The following TRHDE variants were observed in gnomAD, a reference collection of about 807,000 sequenced individuals.
The protein encoded by TRHDE is thyrotropin releasing hormone degrading enzyme.
A neutral mutation model predicts 125.7 loss-of-function variants in TRHDE; 72 were observed. The observed-to-expected ratio is 0.57, with a 90% CI of 0.47 to 0.70. The LOEUF (loss-of-function observed/expected upper bound fraction) is 0.70. Ranked by LOEUF, TRHDE falls within the 30% of genes least tolerant of loss-of-function variation. The probability of loss-of-function intolerance (pLI) is 0.00; values close to 1 mark genes in which losing one functional copy is unlikely to be tolerated. For missense variants in TRHDE, 1,110 were observed against 1,327.1 expected (o/e 0.84, Z 2.54); for synonymous variants, 509 against 509.1 (o/e 1.00, Z 0.00).
chr12:72,241,253 G>C (rs1470084176), intron 2 of TRHDE, among the ~76,000 whole-genome samples: 5 of 152,110 alleles, frequency 3.3e-5, no homozygotes, highest in African/African-American at 1.2e-4. Context: ...TCAAGACACA[G>C]AACAGTTCTG....
At chr12:72,297,276 C>T (rs1010968609) in intron 2 of TRHDE, among the ~76,000 whole-genome samples, 1 of 151,998 alleles carries the variant, frequency 6.6e-6, no homozygotes, top group Non-Finnish European at 1.5e-5. Context: ...AAATGGATAG[C>T]AGGGGTGAAG....
At chr12:72,302,305 G>T (rs1868274715) in intron 2 of TRHDE, among the ~76,000 whole-genome samples, 1 of 151,588 alleles carries the variant, frequency 6.6e-6, no homozygotes, top group Non-Finnish European at 1.5e-5. Flanking sequence ...TATCCTGCTA[G>T]TTATCAGGCT....
At chr12:72,296,633 G>A (rs1285515619) in intron 2 of TRHDE, among the ~76,000 whole-genome samples, 4 of 152,136 alleles carry the variant, frequency 2.6e-5, no homozygotes, top group Non-Finnish European at 5.9e-5. Flanking sequence ...GCTCACCTCT[G>A]CTGCATGAGA....
chr12:72,097,647 T>C (rs1916129), intron 1 of TRHDE, among the ~76,000 whole-genome samples: 108,811 of 151,736 alleles, frequency 0.72, 40,242 homozygotes, highest in Non-Finnish European at 0.81. Context: ...GACAAGGTCT[T>C]GATATGTTGC....
chr12:72,230,023 G>C (rs753832393), intron 2 of TRHDE, among the ~76,000 whole-genome samples: 3 of 152,134 alleles, frequency 2.0e-5, no homozygotes, highest in Admixed American at 6.6e-5. Context: ...AGATGTGCTA[G>C]CAAGAGGGTC....
At chr12:72,109,167 G>C (rs1378742689) in intron 2 of TRHDE, among the ~76,000 whole-genome samples, 2 of 152,048 alleles carry the variant, frequency 1.3e-5, no homozygotes, top group Non-Finnish European at 2.9e-5. Flanking sequence ...GATGAAGACT[G>C]GGTTCCTGCC....
chr12:72,516,029 GT>G (rs1266150983), intron 6 of TRHDE, among the ~76,000 whole-genome samples: 2 of 151,110 alleles, frequency 1.3e-5, no homozygotes, highest in Non-Finnish European at 2.9e-5. Context: ...GTACCATGCT[GT>G]TTTGGTTACT....
intron 2 of TRHDE, among the ~76,000 whole-genome samples, chr12:72,191,899 C>A (rs1194520413): frequency 1.3e-5 from 2 of 152,144 alleles, no homozygotes; most frequent in Non-Finnish European, 2.9e-5. Flanking sequence ...AATCCTCCCA[C>A]TGAAGTTGAG....
intron 5 of TRHDE, among the ~76,000 whole-genome samples, chr12:72,481,618 C>T (rs1382276576): frequency 2.2e-5 from 3 of 139,368 alleles, no homozygotes; most frequent in Non-Finnish European, 4.6e-5. Context: ...CTGTTCAGTT[C>T]TGCCATTCAG....
intron 3 of TRHDE, among the ~76,000 whole-genome samples, chr12:72,423,348 A>G (rs530711910): frequency 5.7e-4 from 87 of 152,236 alleles, no homozygotes; most frequent in African/African-American, 2.1e-3. Context: ...GAGCATCTCT[A>G]TTTACCTTCC....
intron 2 of TRHDE, among the ~76,000 whole-genome samples, chr12:72,125,825 C>T (rs184303324): frequency 6.6e-6 from 1 of 152,222 alleles, no homozygotes; most frequent in Non-Finnish European, 1.5e-5. Context: ...GAGGTGATCC[C>T]TATGATTTGC....
intron 2 of TRHDE, among the ~76,000 whole-genome samples, chr12:72,145,785 T>C (rs1400116085): frequency 6.6e-6 from 1 of 152,196 alleles, no homozygotes; most frequent in Non-Finnish European, 1.5e-5. Context: ...TTTCTAGTCC[T>C]GATAATTAAT....
At chr12:72,567,166 A>C (rs1006161351) in intron 9 of TRHDE, among the ~76,000 whole-genome samples, 12 of 87,160 alleles carry the variant, frequency 1.4e-4, no homozygotes, top group African/African-American at 1.3e-3. Context: ...GTATTTGTTA[A>C]AGAGTTTACA....
At chr12:72,358,577 C>T (rs1334472923) in intron 2 of TRHDE, among the ~76,000 whole-genome samples, 2 of 151,318 alleles carry the variant, frequency 1.3e-5, no homozygotes, top group Non-Finnish European at 3.0e-5. Flanking sequence ...TTTTCTATTG[C>T]GTGGGGTCAG....
intron 2 of TRHDE, among the ~76,000 whole-genome samples, chr12:72,327,945 G>A (rs1869416118): frequency 6.6e-6 from 1 of 152,062 alleles, no homozygotes; most frequent in Non-Finnish European, 1.5e-5. Context: ...GTGTGTATAG[G>A]GCAAGCAGCC....
At chr12:72,164,123 A>T (rs1876692722) in intron 2 of TRHDE, among the ~76,000 whole-genome samples, 1 of 149,338 alleles carries the variant, frequency 6.7e-6, no homozygotes, top group African/African-American at 2.6e-5. Context: ...AAACAAACAA[A>T]CAACAAAACA....
chr12:72,216,968 GT>G (rs35842638), intron 2 of TRHDE, among the ~76,000 whole-genome samples: 108,880 of 148,454 alleles, frequency 0.73, 39,863 homozygotes, highest in African/African-American at 0.76. Context: ...GGTAATGCTA[GT>G]TTTTTTTTTT....
chr12:72,632,677 G>T (rs529214437), intron 15 of TRHDE, among the ~76,000 whole-genome samples: 50 of 148,150 alleles, frequency 3.4e-4, no homozygotes, highest in African/African-American at 1.2e-3. Context: ...AATCATAAGG[G>T]TTCTTAAATA....
At chr12:72,160,602 T>C (rs937204564) in intron 2 of TRHDE, among the ~76,000 whole-genome samples, 23 of 151,936 alleles carry the variant, frequency 1.5e-4, no homozygotes, top group African/African-American at 5.3e-4. Context: ...GGCAGGAAAA[T>C]CGCTTGAACC....
Sources: allele counts gnomAD v4.1 joint callset (sites outside exome capture counted in the v4.1 genomes callset), GRCh38; gene constraint gnomAD v4.1.1; transcripts MANE v1.5; gene names NCBI Gene and HGNC (gene_info 2026-07-23, HGNC 2026-07-21).